DRC11: variants seen among roughly 807,000 people sequenced by gnomAD.
The protein encoded by DRC11 is dynein regulatory complex subunit 11.
the DRC11 span, among the ~76,000 whole-genome samples, chr2:236,366,789 C>G: frequency 2.0e-5 from 3 of 150,158 alleles, no homozygotes; most frequent in African/African-American, 7.4e-5. Context: ...CTCCCTCTCC[C>G]TCTCCCTCCC....
the DRC11 span, among the ~76,000 whole-genome samples, chr2:236,403,714 T>C: frequency 6.6e-6 from 1 of 152,158 alleles, no homozygotes; most frequent in Admixed American, 6.5e-5. Flanking sequence ...ATCTTGATTT[T>C]TACAAATGAA....
chr2:236,437,823 T>C, the DRC11 span, among the ~76,000 whole-genome samples: 3 of 151,108 alleles, frequency 2.0e-5, no homozygotes, highest in Non-Finnish European at 4.4e-5. Flanking sequence ...TTTGAGTTCA[T>C]TGTAGATTCT....
the DRC11 span, among the ~76,000 whole-genome samples, chr2:236,311,944 A>G: frequency 6.6e-6 from 1 of 152,090 alleles, no homozygotes; most frequent in East Asian, 1.9e-4. This position sits in a 1 kb window ranked among gnomAD's most constrained non-coding sequence, Gnocchi z 6.9. Flanking sequence ...TTTTCATTCT[A>G]TAGATATGTT....
At chr2:236,416,733 A>ATATT in the DRC11 span, among the ~76,000 whole-genome samples, 1 of 46,850 alleles carries the variant, frequency 2.1e-5, no homozygotes, top group Non-Finnish European at 4.3e-5. Flanking sequence ...ATATATATAT[A>ATATT]TATATATATA....
chr2:236,351,939 G>A, the DRC11 span, among the ~76,000 whole-genome samples: 7 of 152,306 alleles, frequency 4.6e-5, no homozygotes, highest in African/African-American at 1.7e-4. This position sits in a 1 kb window ranked among gnomAD's most constrained non-coding sequence, Gnocchi z 7.3. Flanking sequence ...TGGGGCCAGA[G>A]AAGAGGAGAG....
At chr2:236,343,675 G>A in the DRC11 span, 1 of 1,283,642 alleles carries the variant, frequency 7.8e-7, no homozygotes, top group African/African-American at 1.5e-5. This position sits in a 1 kb window ranked among gnomAD's most constrained non-coding sequence, Gnocchi z 6.6. Flanking sequence ...GGAGAACCCG[G>A]TCATTCCTGC....
At chr2:236,487,224 A>T in the DRC11 span, among the ~76,000 whole-genome samples, 1 of 152,206 alleles carries the variant, frequency 6.6e-6, no homozygotes, top group Non-Finnish European at 1.5e-5. Context: ...AAAAATTTCC[A>T]AAGTAATGTG....
the DRC11 span, chr2:236,465,675 T>C: frequency 4.3e-6 from 7 of 1,612,938 alleles, no homozygotes; most frequent in South Asian, 1.1e-5. This position sits in a 1 kb window ranked among gnomAD's most constrained non-coding sequence, Gnocchi z 6.2. Flanking sequence ...CCTGGATTAC[T>C]GTAGCACTGA....
At chr2:236,348,199 A>G in the DRC11 span, among the ~76,000 whole-genome samples, 1 of 152,210 alleles carries the variant, frequency 6.6e-6, no homozygotes, top group South Asian at 2.1e-4. This position sits in a 1 kb window ranked among gnomAD's most constrained non-coding sequence, Gnocchi z 7.4. Context: ...TAAAATGTAG[A>G]TTCGAAGGGG....
the DRC11 span, chr2:236,368,246 G>A: frequency 6.2e-7 from 1 of 1,611,232 alleles, no homozygotes; most frequent in Non-Finnish European, 8.5e-7. Flanking sequence ...CCAGGAGGGA[G>A]GGCATGGGTT....
chr2:236,312,982 C>A, the DRC11 span, among the ~76,000 whole-genome samples: 1 of 151,954 alleles, frequency 6.6e-6, no homozygotes, highest in Non-Finnish European at 1.5e-5. Context: ...ACACAACTTA[C>A]CAAAACTGAC....
chr2:236,351,101 G>A, the DRC11 span, among the ~76,000 whole-genome samples: 2 of 152,204 alleles, frequency 1.3e-5, 1 homozygote, highest in Non-Finnish European at 2.9e-5. The surrounding 1 kb of genome is among the most constrained non-coding windows in gnomAD (Gnocchi z 7.3). Flanking sequence ...TAGAATGAAG[G>A]CTGTTCTTTC....
chr2:236,447,997 C>T, the DRC11 span, among the ~76,000 whole-genome samples: 16 of 151,960 alleles, frequency 1.1e-4, no homozygotes, highest in Admixed American at 5.9e-4. This position sits in a 1 kb window ranked among gnomAD's most constrained non-coding sequence, Gnocchi z 4.6. Flanking sequence ...AATTAAGATT[C>T]GAAGTATAAT....
the DRC11 span, among the ~76,000 whole-genome samples, chr2:236,348,112 C>T: frequency 6.6e-6 from 1 of 152,246 alleles, no homozygotes; most frequent in Non-Finnish European, 1.5e-5. The surrounding 1 kb of genome is among the most constrained non-coding windows in gnomAD (Gnocchi z 7.4). Context: ...AAAATCAGCT[C>T]TCTAGTAGAT....
chr2:236,430,337 T>C, the DRC11 span, among the ~76,000 whole-genome samples: 3 of 152,208 alleles, frequency 2.0e-5, no homozygotes, highest in African/African-American at 7.2e-5. The surrounding 1 kb of genome is among the most constrained non-coding windows in gnomAD (Gnocchi z 6.0). Flanking sequence ...ACCTGCACTC[T>C]TCAGTTATAG....
chr2:236,392,323 C>A, the DRC11 span: 1 of 1,594,862 alleles, frequency 6.3e-7, no homozygotes, highest in Non-Finnish European at 8.6e-7. The surrounding 1 kb of genome is among the most constrained non-coding windows in gnomAD (Gnocchi z 5.1). Context: ...AGAGAAATTC[C>A]AAGACTCATC....
chr2:236,376,605 G>A, the DRC11 span, among the ~76,000 whole-genome samples: 10 of 152,110 alleles, frequency 6.6e-5, no homozygotes, highest in African/African-American at 2.4e-4. The surrounding 1 kb of genome is among the most constrained non-coding windows in gnomAD (Gnocchi z 5.7). Flanking sequence ...TCATCATGGT[G>A]TTTTTTAAAA....
chr2:236,480,397 A>G, the DRC11 span, among the ~76,000 whole-genome samples: 1 of 152,006 alleles, frequency 6.6e-6, no homozygotes, highest in Admixed American at 6.5e-5. Flanking sequence ...AATTTTCTAT[A>G]TATTGTAGGT....
the DRC11 span, among the ~76,000 whole-genome samples, chr2:236,345,034 TCC>T: frequency 7.8e-6 from 1 of 128,072 alleles, no homozygotes; most frequent in Admixed American, 7.5e-5. Flanking sequence ...TAAATGTGCT[TCC>T]CTCTGGGGTG....
Sources: allele counts gnomAD v4.1 joint callset (sites outside exome capture counted in the v4.1 genomes callset), GRCh38; gene constraint gnomAD v4.1.1; non-coding constraint Gnocchi (gnomAD v3.1); transcripts MANE v1.5; gene names NCBI Gene and HGNC (gene_info 2026-07-23, HGNC 2026-07-21).